Variants in LY75 observed in about 807,000 individuals in gnomAD.
LY75 encodes the protein C-type lectin domain family 13 member B.
In LY75, 185 loss-of-function variants were observed where a neutral mutation model predicts 231.7. The observed-to-expected ratio is 0.80, with a 90% CI of 0.71 to 0.90. LY75 has a LOEUF of 0.90. LY75 is among the 40% of genes least tolerant of loss of function. The pLI is 0.00. For missense variants in LY75, 1,947 were observed against 2,050.2 expected (o/e 0.95, Z 0.97); for synonymous variants, 668 against 689.0 (o/e 0.97, Z 0.48).
chr2:159,862,214 C>A (rs1684728026), intron 14 of LY75, among the ~76,000 whole-genome samples: 1 of 151,198 alleles, frequency 6.6e-6, no homozygotes, highest in Non-Finnish European at 1.5e-5. Context: ...ATGGTGTGAA[C>A]CCGGGAGGCG....
intron 16 of LY75, among the ~76,000 whole-genome samples, chr2:159,857,118 T>A (rs1347236901): frequency 6.6e-6 from 1 of 152,224 alleles, no homozygotes; most frequent in African/African-American, 2.4e-5. Flanking sequence ...TTTTTGGGTT[T>A]AATAAAATAA....
rs770081567 is a variant in LY75 at position 159,842,267 on chromosome 2, C to A, written c.3258G>T (p.Val1086=). The A allele has an allele frequency of 4.3e-6, 7 of 1,611,576 alleles. No homozygotes were observed. Among genetic ancestry groups the A allele is most frequent in the African/African-American group, 4.0e-5 (3 of 74,584 alleles). Residue 1086 remains valine, a synonymous_variant, in exon 24 of 35, where the codon GTG becomes GTT. Coordinates refer to ENST00000263636, the MANE Select transcript of LY75 (RefSeq NM_002349.4). ...TACCTGAATATTTCTGACAGAGAGA[C>A]ACAAAGTGGCGTTCACTGCAGGATG... ...NFTSCSERHF[V]SLCQKYSEVK...
Position 159,853,675 on chromosome 2 carries a change from C to A in LY75, c.2618G>T (p.Trp873Leu). 6.2e-7 allele frequency: 1 copy of A among 1,613,520 alleles called. No individual in the cohort carries two copies. Among genetic ancestry groups the A allele is most frequent in the Non-Finnish European group, 8.5e-7 (1 of 1,179,830 alleles). ...TGGCCACTCGCTAATTCTTATCCAC[C>A]ACTTCTGTCCATCACCAGATATCTG... ...IANISGDGQK[W>L]WIRISEWPID... is the part of the protein sequence containing the mutation. The change falls in exon 19 of 35, where the codon TGG becomes TTG. Residue 873 changes from tryptophan (W) to leucine (L), a missense_variant. Physicochemically the swap from Trp to Leu is moderately conservative, Grantham distance 61. Coordinates refer to ENST00000263636, the MANE Select transcript of LY75 (RefSeq NM_002349.4).
chr2:159,837,533 G>C (rs1259984912), intron 25 of LY75, among the ~76,000 whole-genome samples: 1 of 152,088 alleles, frequency 6.6e-6, no homozygotes, highest in Non-Finnish European at 1.5e-5. Context: ...ACTACCTATT[G>C]GGTACTGTGT....
rs941074235 is a variant in LY75 at position 159,858,450 on chromosome 2, G to A, written c.2295C>T (p.Gly765=). The A allele has an allele frequency of 6.2e-7, 1 of 1,612,778 alleles. No homozygotes were observed. Among genetic ancestry groups the A allele is most frequent in the Non-Finnish European group, 8.5e-7 (1 of 1,179,576 alleles). ...ATTCTCTATCATCATAGAAATGCCAGCCTCTTCGCCATGGCCTATGAAATA... is the reference window on the plus strand; with the variant it reads ...ATTCTCTATCATCATAGAAATGCCAACCTCTTCGCCATGGCCTATGAAATA... ...VKVFHRPWRR[G]WHFYDDREFI... is the part of the protein sequence containing the mutation. The change falls in exon 16 of 35, where the codon GGC becomes GGT. Residue 765 remains glycine (G), a synonymous_variant. Coordinates refer to ENST00000263636, the MANE Select transcript of LY75 (RefSeq NM_002349.4).
chr2:159,861,224 G>A (rs1357600886), intron 14 of LY75, among the ~76,000 whole-genome samples: 1 of 151,996 alleles, frequency 6.6e-6, no homozygotes, highest in Non-Finnish European at 1.5e-5. Context: ...ACTAATCTCA[G>A]ATATGCTCCA....
intron 8 of LY75, 44 bp from the exon 9 acceptor site, chr2:159,879,413 TACC>T: frequency 6.2e-7 from 1 of 1,609,548 alleles, no homozygotes; most frequent in Non-Finnish European, 8.5e-7. Context: ...GGAAATTATT[TACC>T]GCATATTCAG....
At chr2:159,847,376 C>T (rs1222244767) in intron 23 of LY75, among the ~76,000 whole-genome samples, 6 of 152,058 alleles carry the variant, frequency 3.9e-5, no homozygotes, top group African/African-American at 9.7e-5. Context: ...CTGTTGCCCA[C>T]ATGGGAGGGC....
chr2:159,827,209 A>G (rs1191703131), intron 28 of LY75, among the ~76,000 whole-genome samples: 1 of 152,228 alleles, frequency 6.6e-6, no homozygotes, highest in Non-Finnish European at 1.5e-5. Flanking sequence ...CAGTCTATCC[A>G]TTTGACAAAG....
intron 14 of LY75, 56 bp downstream of exon 14, chr2:159,864,783 G>T: frequency 2.1e-6 from 3 of 1,443,096 alleles, no homozygotes; most frequent in South Asian, 1.5e-5. Flanking sequence ...CAATCAACTT[G>T]TTATTGAAAC....
intron 31 of LY75, among the ~76,000 whole-genome samples, chr2:159,811,067 G>A (rs1224423788): frequency 2.0e-5 from 3 of 152,022 alleles, no homozygotes; most frequent in African/African-American, 7.2e-5. Flanking sequence ...TAGAGACGAA[G>A]TTTCACCATG....
intron 28 of LY75, among the ~76,000 whole-genome samples, chr2:159,823,996 A>G (rs1199232444): frequency 6.6e-6 from 1 of 152,164 alleles, no homozygotes; most frequent in African/African-American, 2.4e-5. Flanking sequence ...TGCAAAACAT[A>G]CCAAACTGTA....
intron 6 of LY75, among the ~76,000 whole-genome samples, chr2:159,884,655 C>T (rs1002250776): frequency 5.9e-5 from 9 of 152,126 alleles, no homozygotes; most frequent in East Asian, 5.8e-4. Flanking sequence ...TGCCTCATTA[C>T]GGAGGCATGA....
intron 28 of LY75, 61 bp downstream of exon 28, chr2:159,831,609 A>G: frequency 1.3e-6 from 2 of 1,552,358 alleles, no homozygotes; most frequent in Non-Finnish European, 1.8e-6. Flanking sequence ...CTATGGCTTG[A>G]TAATTATGTT....
rs1169988679 is a variant in LY75, at chr2:159,850,432, A to G, written c.2919T>C (p.Phe973=). The G allele has an allele frequency of 6.2e-7, 1 of 1,613,696 alleles. No individual in the cohort carries two copies. Among genetic ancestry groups the G allele is most frequent in the Non-Finnish European group, 8.5e-7 (1 of 1,179,700 alleles). Residue 973 remains phenylalanine (F), a synonymous_variant, in exon 22 of 35, where the codon TTT becomes TTC. Coordinates refer to ENST00000263636, the MANE Select transcript of LY75 (RefSeq NM_002349.4). Reference sequence around the variant, plus strand: ...AGTGACAGGTATCGCTTGCTTGAGAAAATGTGAGAGACACGGGTTTGATCT... The same window carrying G: ...AGTGACAGGTATCGCTTGCTTGAGAGAATGTGAGAGACACGGGTTTGATCT... ...FLKIKPVSLT[F]SQASDTCHSY...
At chr2:159,813,994 T>A (rs896448420) in intron 31 of LY75, 3 of 152,358 alleles carry the variant, frequency 2.0e-5, no homozygotes, top group African/African-American at 7.2e-5. Context: ...TATATCATTC[T>A]CCCTTTCTTT....
chr2:159,837,649 A>C (rs1469678649), intron 25 of LY75, among the ~76,000 whole-genome samples: 1 of 140,754 alleles, frequency 7.1e-6, no homozygotes, highest in African/African-American at 3.2e-5. Context: ...AAATAAATAC[A>C]TAAATCTGGC....
rs769869994 is a variant in LY75, at chr2:159,864,866, T to A, written c.2172A>T (p.Gly724=). Residue 724 remains glycine (G), a synonymous_variant, in exon 14 of 35, where the codon GGA becomes GGT. Coordinates refer to ENST00000263636, the MANE Select transcript of LY75 (RefSeq NM_002349.4). ...GLNKRSPDLQ[G]SWQWSDRTPV... is the part of the protein sequence containing the mutation. ...GTGTACGATCACTCCATTGCCAGGATCCTTGTAAATCTGGGCTCCTTTTAT... is the reference window on the plus strand; with the variant it reads ...GTGTACGATCACTCCATTGCCAGGAACCTTGTAAATCTGGGCTCCTTTTAT... 1 of 1,604,616 alleles carries A rather than the reference T, an allele frequency of 6.2e-7. No individual in the cohort carries two copies. The highest frequency in any genetic ancestry group is 1.1e-5 in the South Asian group (1 of 88,474).
intron 6 of LY75, among the ~76,000 whole-genome samples, chr2:159,883,108 A>C (rs957169300): frequency 8.1e-6 from 1 of 123,774 alleles, no homozygotes; most frequent in African/African-American, 3.1e-5. Context: ...AAAACACAGC[A>C]TCTCTGGGGA....
Sources: allele counts gnomAD v4.1 joint callset (sites outside exome capture counted in the v4.1 genomes callset), GRCh38; gene constraint gnomAD v4.1.1; transcripts MANE v1.5; gene names NCBI Gene and HGNC (gene_info 2026-07-23, HGNC 2026-07-21).